The following ALMS1 variants were observed in gnomAD, a reference collection of about 807,000 sequenced individuals.
ALMS1 encodes centrosome-associated protein ALMS1.
ALMS1 carries 271 observed loss-of-function variants against 352.2 expected under a neutral mutation model. The ratio of observed to expected loss-of-function variants is 0.77; its 90% CI spans 0.70 to 0.85. ALMS1 has a LOEUF of 0.85. Ranked by LOEUF, ALMS1 falls within the 40% of genes least tolerant of loss-of-function variation. The probability of loss-of-function intolerance (pLI) is 0.00; values close to 1 mark genes in which losing one functional copy is unlikely to be tolerated. For missense variants in ALMS1, 5,445 were observed against 4,870.7 expected, an observed-to-expected ratio of 1.12 and a Z score of -3.51; for synonymous variants, 1,865 against 1,761.2, an observed-to-expected ratio of 1.06 and a Z score of -1.48.
intron 13 of ALMS1, among the ~76,000 whole-genome samples, chr2:73,554,620 G>T (rs576784896): frequency 6.6e-6 from 1 of 152,182 alleles, no homozygotes; most frequent in African/African-American, 2.4e-5. Context: ...GGCTGATGTA[G>T]GAGAATGGCA....
In ALMS1 at chr2:73,426,564, A is replaced by G. The variant is rs1553400967; in HGVS notation, c.1338+11A>G. 1 of 1,612,076 alleles carries G rather than the reference A, an allele frequency of 6.2e-7. No homozygotes were observed. Among genetic ancestry groups the G allele is most frequent in the Non-Finnish European group, 8.5e-7 (1 of 1,178,134 alleles). Reference sequence around the variant, plus strand: ...GAACTACAAAGAAAGGTGAGACACAATAAAATGATAGTTGTAAGAAACGTG... The same window carrying G: ...GAACTACAAAGAAAGGTGAGACACAGTAAAATGATAGTTGTAAGAAACGTG... On this transcript the variant is annotated intron_variant, in intron 6 of 22. Transcript: ENST00000613296.
intron 10 of ALMS1, among the ~76,000 whole-genome samples, chr2:73,514,185 T>C (rs1673509246): frequency 1.3e-5 from 2 of 152,240 alleles, no homozygotes; most frequent in Non-Finnish European, 2.9e-5. Flanking sequence ...TGTTAATCTT[T>C]ATCTTATAAC....
At chr2:73,485,957 A>C (rs1342568854) in intron 9 of ALMS1, among the ~76,000 whole-genome samples, 2 of 151,626 alleles carry the variant, frequency 1.3e-5, no homozygotes, top group East Asian at 3.9e-4. Context: ...GCACCCACTG[A>C]CCTGCGCCCA....
intron 10 of ALMS1, among the ~76,000 whole-genome samples, chr2:73,508,645 AG>A (rs1482603547): frequency 2.6e-5 from 4 of 152,142 alleles, no homozygotes; most frequent in African/African-American, 9.7e-5. Context: ...AGTGCTATGT[AG>A]TACTGAGGAG....
intron 9 of ALMS1, chr2:73,469,572 A>T: frequency 6.6e-6 from 1 of 152,116 alleles, no homozygotes; most frequent in East Asian, 1.9e-4. Flanking sequence ...GTAACAGATT[A>T]AACATTATGA....
At chr2:73,533,715 GA>G (rs554162175) in intron 11 of ALMS1, among the ~76,000 whole-genome samples, 5 of 151,810 alleles carry the variant, frequency 3.3e-5, no homozygotes, top group Non-Finnish European at 5.9e-5. Context: ...CTAGTATATA[GA>G]AAAAAAATGT....
chr2:73,594,192 G>T (rs531239815), intron 16 of ALMS1, among the ~76,000 whole-genome samples: 2 of 152,266 alleles, frequency 1.3e-5, no homozygotes, highest in East Asian at 3.9e-4. Flanking sequence ...CCCACCAGCA[G>T]TATGTGAGGG....
chr2:73,535,006 C>T (rs1392917968), intron 12 of ALMS1, 57 bp downstream of exon 12: 10 of 1,602,950 alleles, frequency 6.2e-6, no homozygotes, highest in African/African-American at 1.3e-5. Flanking sequence ...TGTGTATTGG[C>T]TAGTTGATTC....
chr2:73,537,208 A>G (rs1429044874), intron 12 of ALMS1, among the ~76,000 whole-genome samples: 1 of 152,254 alleles, frequency 6.6e-6, no homozygotes, highest in Non-Finnish European at 1.5e-5. Flanking sequence ...GGTGTGGACT[A>G]GCAGTTGAGG....
intron 21 of ALMS1, among the ~76,000 whole-genome samples, chr2:73,608,200 A>G (rs1343446716): frequency 6.6e-6 from 1 of 151,206 alleles, no homozygotes; most frequent in Admixed American, 6.6e-5. Context: ...GCTCTCCTTC[A>G]TTTATCTCAC....
chr2:73,539,768 G>C (rs992739594), intron 12 of ALMS1, among the ~76,000 whole-genome samples: 1 of 152,056 alleles, frequency 6.6e-6, no homozygotes, highest in Admixed American at 6.6e-5. Context: ...TGGCAGAAAG[G>C]GTATCAGTGA....
At chr2:73,573,520 C>T (rs1674990430) in intron 16 of ALMS1, 96 bp downstream of exon 16, 2 of 1,290,190 alleles carry the variant, frequency 1.6e-6, no homozygotes, top group African/African-American at 1.5e-5. Flanking sequence ...AAGCCATTTG[C>T]CCTTTCCTCT....
rs1013916650 is a variant in ALMS1, at chr2:73,556,735, C to G, written c.10079-485C>G. Among the ~76,000 whole-genome samples the G allele has an allele frequency of 2.6e-5, 4 of 151,062 alleles. No individual in the cohort carries two copies. The East Asian group carries it at 7.8e-4, about 29-fold the overall frequency. The stretch of plus-strand genomic sequence containing the variant: ...ATTTTATTTTTTTGAGACAGAGTCT[C>G]ACTGTCGCCCCGGCTGGAGTGCAGT... On this transcript the variant is annotated intron_variant, in intron 13 of 22. Transcript: ENST00000613296.
At chr2:73,551,770 C>T (rs910294525) in intron 13 of ALMS1, among the ~76,000 whole-genome samples, 6 of 151,894 alleles carry the variant, frequency 4.0e-5, no homozygotes, top group African/African-American at 1.5e-4. Context: ...TTCTTCTGCA[C>T]CCCTGCCATT....
At position 73,449,650 on chromosome 2, in the gene ALMS1, G is replaced by A. The variant is rs1572933506; in HGVS notation, c.3123G>A (p.Glu1041=). 1 of 1,613,970 alleles carries A rather than the reference G, an allele frequency of 6.2e-7. No homozygotes were observed. Among genetic ancestry groups the A allele is most frequent in the East Asian group, 2.2e-5 (1 of 44,886 alleles). The change falls in exon 8 of 23, where the codon GAG becomes GAA. Residue 1041 remains glutamate (E), a synonymous_variant. Coordinates refer to ENST00000613296, the MANE Select transcript of ALMS1 (RefSeq NM_001378454.1). ...TGPGPADQKT[E]IPAVQSSSYP... is the part of the protein sequence containing the mutation. ...CTGGACCAGCTGACCAGAAGACTGA[G>A]ATACCAGCAGTACAGTCTAGTTCTT... is the stretch of plus-strand genomic sequence containing the variant.
At chr2:73,438,076 A>G (rs1304458556) in intron 7 of ALMS1, among the ~76,000 whole-genome samples, 1 of 152,132 alleles carries the variant, frequency 6.6e-6, no homozygotes, top group Non-Finnish European at 1.5e-5. Context: ...AGCTGTGAGT[A>G]TATGTGACTA....
chr2:73,490,470 G>A lies in ALMS1; in HGVS notation c.8511G>A (p.Gln2837=). The A allele has an allele frequency of 6.2e-7, 1 of 1,614,166 alleles. No homozygotes were observed. Among genetic ancestry groups the A allele is most frequent in the African/African-American group, 1.3e-5 (1 of 75,066 alleles). Residue 2837 remains glutamine (Q), a synonymous_variant, in exon 10 of 23, where the codon CAG becomes CAA. Coordinates refer to ENST00000613296, the MANE Select transcript of ALMS1 (RefSeq NM_001378454.1). ...RANCSNFKEI[Q]ISDNHTLISM... ...ATTGTAGCAATTTCAAGGAAATTCA[G>A]ATTTCTGATAACCATACCCTTATTA... is the stretch of plus-strand genomic sequence containing the variant.
chr2:73,506,496 C>G (rs1361995426), intron 10 of ALMS1, among the ~76,000 whole-genome samples: 2 of 152,160 alleles, frequency 1.3e-5, no homozygotes, highest in African/African-American at 4.8e-5. Context: ...TTGAAGACAT[C>G]CTTCACATCC....
At chr2:73,581,815 G>A (rs1675186550) in intron 16 of ALMS1, among the ~76,000 whole-genome samples, 1 of 151,382 alleles carries the variant, frequency 6.6e-6, no homozygotes, top group Admixed American at 6.6e-5. Context: ...CACAATCTCA[G>A]CTCACTGCAA....
Sources: gnomAD v4.1 joint callset for allele counts (sites outside exome capture counted in the v4.1 genomes callset) on GRCh38, gnomAD v4.1.1 for gene constraint, MANE v1.5 for transcripts, NCBI Gene and HGNC (gene_info 2026-07-23, HGNC 2026-07-21) for gene names.